The following EML1 variants were observed in gnomAD, a reference collection of about 807,000 sequenced individuals.
EML1 encodes EMAP like 1.
Under a neutral mutation model 110.4 loss-of-function variants are expected in EML1, and 27 were observed. That is an observed-to-expected ratio of 0.24 (90% CI 0.18 to 0.34). The LOEUF is 0.34. Among genes scored for constraint, EML1 ranks in the 10% least tolerant of loss-of-function variants. EML1 has a pLI of 1.00. For missense variants in EML1, 741 were observed against 1,030.9 expected (o/e 0.72, Z 3.85); for synonymous variants, 344 against 385.8 (o/e 0.89, Z 1.27).
intron 4 of EML1, among the ~76,000 whole-genome samples, chr14:99,889,678 G>A (rs73360349): frequency 0.031 from 4,686 of 152,206 alleles, 226 homozygotes; most frequent in African/African-American, 0.11. Context: ...CGCCTGACAC[G>A]GAGCCTGCTG....
intron 1 of EML1, among the ~76,000 whole-genome samples, chr14:99,848,611 A>G (rs1178522334): frequency 6.6e-6 from 1 of 152,198 alleles, no homozygotes; most frequent in Admixed American, 6.5e-5. Context: ...ACTTGTATTT[A>G]TTACATAAAA....
chr14:99,790,738 C>T (rs2057655803), upstream of EML1, among the ~76,000 whole-genome samples: 1 of 152,206 alleles, frequency 6.6e-6, no homozygotes, highest in South Asian at 2.1e-4. Context: ...CACCTGCCTG[C>T]TGCCTTAGAG....
At chr14:99,889,149 C>T (rs1264921721) in intron 4 of EML1, among the ~76,000 whole-genome samples, 1 of 152,144 alleles carries the variant, frequency 6.6e-6, no homozygotes, top group Non-Finnish European at 1.5e-5. Context: ...TGAGAGAGAG[C>T]CCTTTGAGGG....
At chr14:99,889,696 T>A (rs1248004286) in intron 4 of EML1, among the ~76,000 whole-genome samples, 3 of 151,986 alleles carry the variant, frequency 2.0e-5, no homozygotes, top group African/African-American at 7.3e-5. Context: ...CTGGGCCAGG[T>A]TCCCAGAACA....
chr14:99,741,017 C>T (rs1195548043), intron 1 of EML1, among the ~76,000 whole-genome samples: 2 of 152,198 alleles, frequency 1.3e-5, no homozygotes, highest in African/African-American at 4.8e-5. Flanking sequence ...CTTTACAATC[C>T]TAAGCACCGA....
intron 13 of EML1, among the ~76,000 whole-genome samples, chr14:99,913,456 T>G (rs1171974807): frequency 6.6e-6 from 1 of 151,886 alleles, no homozygotes; most frequent in African/African-American, 2.4e-5. Context: ...GGATTACAGA[T>G]GTGAGCTACC....
intron 1 of EML1, among the ~76,000 whole-genome samples, chr14:99,776,696 C>T (rs117752887): frequency 0.016 from 2,449 of 152,226 alleles, 24 homozygotes; most frequent in Non-Finnish European, 0.025. Flanking sequence ...TTTGTCATCA[C>T]GAGTAATATT....
At chr14:99,759,852 G>A (rs978037186) in intron 1 of EML1, among the ~76,000 whole-genome samples, 2 of 152,094 alleles carry the variant, frequency 1.3e-5, no homozygotes, top group South Asian at 2.1e-4. Flanking sequence ...GGTGGCTCAC[G>A]CCTGTAATCC....
At chr14:99,835,857 TG>T (rs1229435120) in intron 1 of EML1, among the ~76,000 whole-genome samples, 2 of 152,218 alleles carry the variant, frequency 1.3e-5, no homozygotes, top group Non-Finnish European at 2.9e-5. Context: ...TGTATTTGTG[TG>T]GGTCTATTTC....
At chr14:99,837,327 A>G (rs944536367) in intron 1 of EML1, among the ~76,000 whole-genome samples, 7 of 152,032 alleles carry the variant, frequency 4.6e-5, no homozygotes, top group African/African-American at 1.7e-4. Context: ...ACCATCTTTC[A>G]TTGATCACTC....
intron 3 of EML1, among the ~76,000 whole-genome samples, chr14:99,870,230 T>A (rs1176001544): frequency 6.6e-6 from 1 of 152,250 alleles, no homozygotes; most frequent in African/African-American, 2.4e-5. Context: ...CAACATTCCC[T>A]TAAGCCAAAG....
chr14:99,922,615 G>A (rs2060150419), intron 17 of EML1, among the ~76,000 whole-genome samples: 1 of 152,146 alleles, frequency 6.6e-6, no homozygotes, highest in South Asian at 2.1e-4. Flanking sequence ...CGTCAGCCAT[G>A]TGCTAGGGTT....
chr14:99,794,224 C>T (rs2057727059), intron 1 of EML1, among the ~76,000 whole-genome samples: 1 of 152,030 alleles, frequency 6.6e-6, no homozygotes, highest in Non-Finnish European at 1.5e-5. Context: ...ATATGAAATC[C>T]TACATGCTTG....
chr14:99,743,592 G>A (rs2057069866), intron 1 of EML1, among the ~76,000 whole-genome samples: 1 of 152,174 alleles, frequency 6.6e-6, no homozygotes, highest in South Asian at 2.1e-4. Flanking sequence ...GCCAGCACGT[G>A]GCTCTGCACA....
At chr14:99,865,689 C>T (rs758300345) in intron 3 of EML1, 43 bp downstream of exon 3, 2 of 1,599,358 alleles carry the variant, frequency 1.3e-6, no homozygotes, top group Non-Finnish European at 1.7e-6. Context: ...CAAAGCAGTT[C>T]TCTCTTAGAT....
At chr14:99,824,334 T>G (rs1266749457) in intron 1 of EML1, among the ~76,000 whole-genome samples, 2 of 152,170 alleles carry the variant, frequency 1.3e-5, no homozygotes, top group Non-Finnish European at 2.9e-5. Context: ...CTGTGTCTTA[T>G]TTATTTATTT....
chr14:99,798,823 TTTAA>T, intron 1 of EML1, among the ~76,000 whole-genome samples: 1 of 152,320 alleles, frequency 6.6e-6, no homozygotes, highest in Middle Eastern at 3.4e-3. Flanking sequence ...TTTTCTTAAA[TTTAA>T]TTACCTTTTT....
Position 99,850,966 on chromosome 14 carries a change from G to A in EML1, c.181G>A (p.Asp61Asn). The change falls in exon 2 of 22, where the codon GAT becomes AAT. Residue 61 changes from aspartate to asparagine, a missense_variant. Asp to Asn is a conservative substitution (Grantham distance 23). This residue lies in a region of EML1 where 226 missense variants were observed against 255.6 expected (regional missense o/e 0.88). Transcript: ENST00000262233. ...CCAGCTGCTCAAATCAGCTCTAGCTGATGTGGTTCGGCGGCTGAACATTAC... is the reference window on the plus strand; with the variant it reads ...CCAGCTGCTCAAATCAGCTCTAGCTAATGTGGTTCGGCGGCTGAACATTAC... ...DIQLLKSALADVVRRLNITEE... is the reference protein window; with the variant it reads ...DIQLLKSALANVVRRLNITEE... The A allele has an allele frequency of 5.0e-6, 8 of 1,614,186 alleles. No homozygotes were observed. Among genetic ancestry groups the A allele is most frequent in the Non-Finnish European group, 6.8e-6 (8 of 1,180,018 alleles).
chr14:99,849,607 G>A (rs2058759420), intron 1 of EML1, among the ~76,000 whole-genome samples: 1 of 151,862 alleles, frequency 6.6e-6, no homozygotes, highest in Admixed American at 6.6e-5. Context: ...GAGTGCAGTG[G>A]TGCAATCTTG....
Sources: gnomAD v4.1 joint callset for allele counts (sites outside exome capture counted in the v4.1 genomes callset) on GRCh38, gnomAD v4.1.1 for gene constraint, gnomAD v4.1.1 regional missense constraint, MANE v1.5 for transcripts, NCBI Gene and HGNC (gene_info 2026-07-23, HGNC 2026-07-21) for gene names.